Variants in PRKCB observed in about 807,000 individuals in gnomAD.
The protein encoded by PRKCB is protein kinase C beta, also known as protein kinase C beta type.
PRKCB carries 13 observed loss-of-function variants against 81.5 expected under a neutral mutation model. The observed-to-expected ratio is 0.16, with a 90% CI of 0.10 to 0.25. The LOEUF is 0.25. Ranked by LOEUF, PRKCB falls within the 10% of genes least tolerant of loss-of-function variation. PRKCB has a pLI of 1.00. For missense variants in PRKCB, 509 were observed against 875.7 expected, an observed-to-expected ratio of 0.58 and a Z score of 5.29; for synonymous variants, 335 against 321.4, an observed-to-expected ratio of 1.04 and a Z score of -0.45.
At chr16:24,012,807 T>C (rs1965221729) in intron 3 of PRKCB, among the ~76,000 whole-genome samples, 1 of 152,258 alleles carries the variant, frequency 6.6e-6, no homozygotes, top group Non-Finnish European at 1.5e-5. Flanking sequence ...CTGCGTGCTC[T>C]GGCGTCAGGG....
In PRKCB at chr16:24,088,677, C is replaced by T. The variant is rs201084475; in HGVS notation, c.530-4114C>T. On this transcript the variant is annotated intron_variant, in intron 5 of 16. Coordinates refer to ENST00000643927, the MANE Select transcript of PRKCB (RefSeq NM_002738.7). Reference sequence around the variant, plus strand: ...CTGGGAGATCAAGGCTGCAGTGAGCCGTGATCGCGCCACCGCACTCCAGCG... The same window carrying T: ...CTGGGAGATCAAGGCTGCAGTGAGCTGTGATCGCGCCACCGCACTCCAGCG... Among the ~76,000 whole-genome samples the T allele has an allele frequency of 3.4e-5, 5 of 145,510 alleles. No homozygotes were observed. The East Asian group carries it at 1.0e-3, about 29-fold the overall frequency.
intron 2 of PRKCB, among the ~76,000 whole-genome samples, chr16:23,897,484 G>T (rs951103518): frequency 1.3e-5 from 2 of 152,184 alleles, no homozygotes; most frequent in African/African-American, 4.8e-5. Flanking sequence ...ACAGGTATTT[G>T]GGGTGAATTT....
intron 3 of PRKCB, among the ~76,000 whole-genome samples, chr16:24,003,415 C>T (rs971890829): frequency 4.7e-5 from 7 of 148,776 alleles, no homozygotes; most frequent in Admixed American, 1.3e-4. Context: ...GACAAAGTCT[C>T]GCTCTGTTGC....
At chr16:24,114,216 A>G (rs1243986169) in intron 8 of PRKCB, among the ~76,000 whole-genome samples, 1 of 142,950 alleles carries the variant, frequency 7.0e-6, no homozygotes, top group African/African-American at 2.6e-5. Context: ...CTGCAGTGCA[A>G]TGGTGCGATC....
At chr16:24,103,576 A>G in intron 7 of PRKCB, among the ~76,000 whole-genome samples, 1 of 152,098 alleles carries the variant, frequency 6.6e-6, no homozygotes, top group East Asian at 1.9e-4. Context: ...TTTATTTTAG[A>G]TTCACGGGAT....
At chr16:24,062,998 G>A (rs546990781) in intron 5 of PRKCB, among the ~76,000 whole-genome samples, 3 of 152,070 alleles carry the variant, frequency 2.0e-5, no homozygotes, top group African/African-American at 7.2e-5. Flanking sequence ...TGGTAGGAAT[G>A]AGAAGATGCG....
chr16:24,182,588 C>T (rs753169093), intron 13 of PRKCB, among the ~76,000 whole-genome samples: 2 of 152,122 alleles, frequency 1.3e-5, no homozygotes, highest in African/African-American at 2.4e-5. Flanking sequence ...CTTATTTGAT[C>T]CTCATGACAA....
chr16:23,837,338 C>T (rs1156283911), intron 1 of PRKCB, 37 bp from the exon 2 acceptor site: 11 of 1,612,574 alleles, frequency 6.8e-6, no homozygotes, highest in South Asian at 2.2e-5. Context: ...CTGGGCCCCC[C>T]GGGCTGCCTG....
intron 3 of PRKCB, among the ~76,000 whole-genome samples, chr16:24,017,822 C>T (rs190430092): frequency 7.2e-5 from 11 of 151,830 alleles, no homozygotes; most frequent in Admixed American, 2.0e-4. Context: ...CTTGAACTCC[C>T]GGCCTCAAGT....
intron 15 of PRKCB, 120 bp downstream of exon 15, chr16:24,185,687 T>C (rs1332534979): frequency 7.6e-6 from 6 of 791,860 alleles, no homozygotes; most frequent in Non-Finnish European, 1.2e-5. Context: ...TCACTCCATT[T>C]GCCAATATGA....
intron 3 of PRKCB, among the ~76,000 whole-genome samples, chr16:24,020,141 T>A (rs917789546): frequency 6.6e-6 from 1 of 152,246 alleles, no homozygotes; most frequent in Non-Finnish European, 1.5e-5. Context: ...CTCCACAGCT[T>A]TTCAACAGAA....
In PRKCB at chr16:24,039,193, C is replaced by G. The variant is rs549704650; in HGVS notation, c.529+3646C>G. 2.6e-4 allele frequency among the ~76,000 whole-genome samples: 40 copies of G among 152,240 alleles called. 1 individual carries two copies. Among genetic ancestry groups the G allele is most frequent in the African/African-American group, 8.4e-4 (35 of 41,540 alleles). On this transcript the variant is annotated intron_variant, in intron 5 of 16. Transcript: ENST00000643927. ...CCTCGATCTTGGACTTCCCAGCCCC[C>G]AGAACTGTGAAGAAATAAATGTCTT...
intron 16 of PRKCB, among the ~76,000 whole-genome samples, chr16:24,191,919 G>A (rs762087829): frequency 5.3e-5 from 8 of 152,152 alleles, no homozygotes; most frequent in Non-Finnish European, 1.0e-4. Flanking sequence ...AGTACTTGTC[G>A]GCATCAGGAA....
intron 15 of PRKCB, among the ~76,000 whole-genome samples, chr16:24,190,568 A>G (rs1967775201): frequency 7.6e-6 from 1 of 132,450 alleles, no homozygotes; most frequent in Admixed American, 8.9e-5. Context: ...GCCAGACTGT[A>G]GAGTGCAGTG....
chr16:24,218,459 C>T lies in PRKCB; in HGVS notation c.*3643C>T. Reference sequence around the variant, plus strand: ...ACAGCTCCATCAGCATCTTAGCCTGCCCCACTCTAGCCACACATACCCACG... The same window carrying T: ...ACAGCTCCATCAGCATCTTAGCCTGTCCCACTCTAGCCACACATACCCACG... On this transcript the variant is annotated 3_prime_UTR_variant, in exon 17 of 17. Transcript: ENST00000643927. The T allele has an allele frequency of 1.4e-5, 14 of 985,402 alleles. No homozygotes were observed. The highest frequency in any genetic ancestry group is 1.4e-5 in the Non-Finnish European group (12 of 829,982). The allele number at this position is 985,402 out of a possible 1,614,324, so 61.0% of individuals were successfully genotyped here.
intron 2 of PRKCB, among the ~76,000 whole-genome samples, chr16:23,971,273 T>C (rs1292301338): frequency 6.6e-6 from 1 of 152,178 alleles, no homozygotes; most frequent in African/African-American, 2.4e-5. Context: ...ATGTTGTAGG[T>C]GTAGCGGGCA....
chr16:24,009,102 T>C (rs954948433), intron 3 of PRKCB, among the ~76,000 whole-genome samples: 3 of 152,216 alleles, frequency 2.0e-5, no homozygotes, highest in Non-Finnish European at 4.4e-5. Context: ...TGTTCGTCAG[T>C]GGACACCTAG....
intron 15 of PRKCB, among the ~76,000 whole-genome samples, chr16:24,187,630 C>A (rs1378513142): frequency 6.6e-6 from 1 of 152,074 alleles, no homozygotes; most frequent in Admixed American, 6.6e-5. Flanking sequence ...AATCTTGACC[C>A]TTCTACTTTC....
At chr16:23,898,518 T>C (rs898384785) in intron 2 of PRKCB, among the ~76,000 whole-genome samples, 4 of 152,106 alleles carry the variant, frequency 2.6e-5, no homozygotes, top group Non-Finnish European at 5.9e-5. Context: ...AATAATACAA[T>C]TACAGTTATG....
Sources: gnomAD v4.1 joint callset for allele counts (sites outside exome capture counted in the v4.1 genomes callset) on GRCh38, gnomAD v4.1.1 for gene constraint, MANE v1.5 for transcripts, NCBI Gene and HGNC (gene_info 2026-07-23, HGNC 2026-07-21) for gene names.